Variants in NOL4 observed in about 807,000 individuals in gnomAD.
NOL4 encodes the protein nucleolar protein 4, also known as cancer/testis antigen 125.
A neutral mutation model predicts 75.9 loss-of-function variants in NOL4; 17 were observed. The ratio of observed to expected loss-of-function variants is 0.22; its 90% CI spans 0.15 to 0.34. The LOEUF (loss-of-function observed/expected upper bound fraction) is 0.34, where lower values mean the gene tolerates loss of function less well. Among genes scored for constraint, NOL4 ranks in the 10% least tolerant of loss-of-function variants. The probability of loss-of-function intolerance (pLI) is 1.00; values close to 1 mark genes in which losing one functional copy is unlikely to be tolerated. For missense variants in NOL4, 614 were observed against 793.5 expected (o/e 0.77, Z 2.72); for synonymous variants, 292 against 289.9 (o/e 1.01, Z -0.07).
At chr18:34,203,501 AT>A (rs2035883548) in intron 1 of NOL4, among the ~76,000 whole-genome samples, 1 of 151,742 alleles carries the variant, frequency 6.6e-6, no homozygotes, top group Admixed American at 6.6e-5. Flanking sequence ...TATCAATACA[AT>A]TATTTTGGAT....
At chr18:34,044,749 C>A (rs760702347) in intron 5 of NOL4, among the ~76,000 whole-genome samples, 2 of 152,114 alleles carry the variant, frequency 1.3e-5, no homozygotes, top group Non-Finnish European at 2.9e-5. Context: ...CTTAAGATGT[C>A]TAAAATCAAA....
intron 5 of NOL4, among the ~76,000 whole-genome samples, chr18:34,079,081 C>A (rs1380572095): frequency 1.3e-5 from 2 of 152,142 alleles, no homozygotes; most frequent in Non-Finnish European, 2.9e-5. Flanking sequence ...GCTTAGCCAA[C>A]TAAAACTCAG....
chr18:34,109,763 A>C (rs2079493808), intron 2 of NOL4, among the ~76,000 whole-genome samples: 1 of 151,914 alleles, frequency 6.6e-6, no homozygotes, highest in Non-Finnish European at 1.5e-5. Flanking sequence ...AATTGACAAA[A>C]CTTTACCTAG....
rs954254239 is a variant in NOL4 at position 33,852,338 on chromosome 18, G to T, written c.*504C>A. The T allele has an allele frequency of 1.3e-5, 2 of 151,320 alleles. No individual in the cohort carries two copies. Among genetic ancestry groups the T allele is most frequent in the South Asian group, 4.2e-4 (2 of 4,794 alleles). The allele number at this position is 151,320 out of a possible 1,614,324, so 9.4% of individuals were successfully genotyped here. On this transcript the variant is annotated 3_prime_UTR_variant, in exon 11 of 11. Transcript: ENST00000261592. Reference sequence around the variant, plus strand: ...AATGACAAGTTTGAATGAAAAACAAGTTTTCTTTTTATAAAAATTACATAT... The same window carrying T: ...AATGACAAGTTTGAATGAAAAACAATTTTTCTTTTTATAAAAATTACATAT...
At chr18:34,132,439 G>T (rs191420354) in intron 1 of NOL4, among the ~76,000 whole-genome samples, 263 of 152,262 alleles carry the variant, frequency 1.7e-3, no homozygotes, top group Non-Finnish European at 3.0e-3. Context: ...AGTCAACATT[G>T]TCTCAAGAAA....
At chr18:33,912,346 G>A (rs904923131) in intron 9 of NOL4, among the ~76,000 whole-genome samples, 2 of 151,998 alleles carry the variant, frequency 1.3e-5, no homozygotes, top group African/African-American at 4.8e-5. Context: ...CAAAAGGCAT[G>A]CACACTTTAA....
chr18:33,925,025 A>G (rs192696673), intron 9 of NOL4, among the ~76,000 whole-genome samples: 1 of 152,344 alleles, frequency 6.6e-6, no homozygotes, highest in East Asian at 1.9e-4. Flanking sequence ...CAAGGAGGAA[A>G]CACATTTCTT....
intron 9 of NOL4, among the ~76,000 whole-genome samples, chr18:33,915,520 G>C (rs2066663057): frequency 6.6e-6 from 1 of 152,096 alleles, no homozygotes; most frequent in Non-Finnish European, 1.5e-5. Flanking sequence ...AGAGAGCAGG[G>C]AGAATTGCTG....
Position 34,166,905 on chromosome 18 carries a change from G to T in NOL4, c.265-36885C>A, listed in dbSNP as rs1375388531. On this transcript the variant is annotated intron_variant, in intron 1 of 10. Transcript: ENST00000261592. The stretch of plus-strand genomic sequence containing the variant: ...TACAAAAAATTAGCCGGGCGCGGTG[G>T]CAGGCGCCTGTAGTCCCAGCTACTG... Among the ~76,000 whole-genome samples the T allele has an allele frequency of 1.8e-4, 18 of 97,556 alleles. 5 individuals are homozygous for T. The Admixed American group carries it at 2.0e-3, about 11-fold the overall frequency. The allele number at this position is 97,556 out of a possible 152,430, so 64.0% of individuals were successfully genotyped here. A position where few individuals can be genotyped will look rare whatever the true frequency, so the allele number is the denominator to read the frequency against.
intron 5 of NOL4, among the ~76,000 whole-genome samples, chr18:34,032,906 T>C (rs2075711252): frequency 6.6e-6 from 1 of 152,022 alleles, no homozygotes; most frequent in South Asian, 2.1e-4. Flanking sequence ...CCAATAACAA[T>C]TGCACCCTAA....
intron 1 of NOL4, among the ~76,000 whole-genome samples, chr18:34,135,808 T>A (rs72961205): frequency 6.7e-6 from 1 of 149,582 alleles, no homozygotes; most frequent in Non-Finnish European, 1.5e-5. Flanking sequence ...TTTAAAGCAA[T>A]AGGTGACAAA....
chr18:34,140,731 G>C (rs563646875), intron 1 of NOL4, among the ~76,000 whole-genome samples: 1 of 152,242 alleles, frequency 6.6e-6, no homozygotes, highest in African/African-American at 2.4e-5. Context: ...TATGATGTTA[G>C]CTGGGTATAT....
chr18:34,179,129 A>G (rs751640154), intron 1 of NOL4, among the ~76,000 whole-genome samples: 5 of 151,622 alleles, frequency 3.3e-5, no homozygotes, highest in African/African-American at 4.8e-5. Context: ...ATTAGAAAAT[A>G]CTCTGAGATG....
At chr18:33,883,011 A>T (rs367697236) in intron 10 of NOL4, among the ~76,000 whole-genome samples, 2,485 of 151,976 alleles carry the variant, frequency 0.016, 63 homozygotes, top group African/African-American at 0.056. Context: ...AACAATGAGA[A>T]CACATGGACA....
At chr18:34,077,948 G>A (rs2077823732) in intron 5 of NOL4, among the ~76,000 whole-genome samples, 1 of 152,112 alleles carries the variant, frequency 6.6e-6, no homozygotes, top group Non-Finnish European at 1.5e-5. Flanking sequence ...AACTTAATAA[G>A]TTAACCACAA....
chr18:34,117,234 A>C (rs574290576), intron 2 of NOL4, among the ~76,000 whole-genome samples: 26 of 152,326 alleles, frequency 1.7e-4, no homozygotes, highest in South Asian at 1.0e-3. Flanking sequence ...TGTGTAACAG[A>C]TGAGGGAGCT....
chr18:34,198,038 A>G (rs944332536), intron 1 of NOL4, among the ~76,000 whole-genome samples: 2 of 151,942 alleles, frequency 1.3e-5, no homozygotes, highest in Non-Finnish European at 1.5e-5. Flanking sequence ...CCAAATCACA[A>G]GGAGAATACA....
intron 9 of NOL4, among the ~76,000 whole-genome samples, chr18:33,917,607 TC>T (rs1227863850): frequency 7.9e-5 from 12 of 151,958 alleles, no homozygotes. Flanking sequence ...TAATCCTCCC[TC>T]CTCAGCCTCC....
chr18:34,167,927 T>TCGACAAA (rs2032585955), intron 1 of NOL4, among the ~76,000 whole-genome samples: 2 of 152,078 alleles, frequency 1.3e-5, no homozygotes, highest in Admixed American at 1.3e-4. Flanking sequence ...CACATCCATT[T>TCGACAAA]TTCAGTGCAC....
Sources: allele counts gnomAD v4.1 joint callset (sites outside exome capture counted in the v4.1 genomes callset), GRCh38; gene constraint gnomAD v4.1.1; transcripts MANE v1.5; gene names NCBI Gene and HGNC (gene_info 2026-07-23, HGNC 2026-07-21).